The following TRIM33 variants were observed in gnomAD, a reference collection of about 807,000 sequenced individuals.
TRIM33 encodes the protein tripartite motif containing 33.
TRIM33 carries 20 observed loss-of-function variants against 125.4 expected under a neutral mutation model. The observed-to-expected ratio is 0.16, with a 90% CI of 0.11 to 0.23. The LOEUF (loss-of-function observed/expected upper bound fraction) is 0.23, where lower values mean the gene tolerates loss of function less well. Ranked by LOEUF, TRIM33 falls within the 10% of genes least tolerant of loss-of-function variation. The probability of loss-of-function intolerance (pLI) is 1.00; values close to 1 mark genes in which losing one functional copy is unlikely to be tolerated. For missense variants in TRIM33, 920 were observed against 1,411.4 expected (o/e 0.65, Z 5.58); for synonymous variants, 564 against 513.9 (o/e 1.10, Z -1.32).
intron 1 of TRIM33, among the ~76,000 whole-genome samples, chr1:114,504,819 C>T (rs1213359322): frequency 3.3e-5 from 5 of 152,164 alleles, no homozygotes; most frequent in Non-Finnish European, 7.3e-5. Context: ...ATCTAGGTAA[C>T]TAGAAGATTT....
Position 114,400,605 on chromosome 1 carries a change from G to A in TRIM33, c.2967+784C>T, listed in dbSNP as rs568309750. Among the ~76,000 whole-genome samples the A allele has an allele frequency of 7.2e-4, 110 of 152,300 alleles. 1 individual carries two copies. The highest frequency in any genetic ancestry group is 4.7e-4 in the Non-Finnish European group (32 of 68,032). ...TGAGACAAATTTTCCAGAAACAGAT[G>A]ATTACTGCTTGTACAAAACATCTTC... On this transcript the variant is annotated intron_variant, in intron 17 of 19. Coordinates refer to ENST00000358465, the MANE Select transcript of TRIM33 (RefSeq NM_015906.4).
chr1:114,504,151 T>A (rs909601494), intron 1 of TRIM33, among the ~76,000 whole-genome samples: 62 of 151,666 alleles, frequency 4.1e-4, no homozygotes, highest in African/African-American at 1.4e-3. Flanking sequence ...ATTATCCTTT[T>A]TTTTTATTTT....
At chr1:114,407,185 A>G (rs913897378) in intron 13 of TRIM33, 85 bp from the exon 14 acceptor site, 10 of 1,171,442 alleles carry the variant, frequency 8.5e-6, no homozygotes, top group East Asian at 7.3e-5. Context: ...AATGTTCACT[A>G]AAGTGAAGAC....
intron 13 of TRIM33, 30 bp from the exon 14 acceptor site, chr1:114,407,130 T>G: frequency 6.3e-7 from 1 of 1,581,324 alleles, no homozygotes; most frequent in South Asian, 1.1e-5. Context: ...AAAGATCACA[T>G]ACGTTTGACT....
At chr1:114,442,785 G>A (rs1396301315) in intron 4 of TRIM33, among the ~76,000 whole-genome samples, 3 of 150,916 alleles carry the variant, frequency 2.0e-5, no homozygotes, top group African/African-American at 7.3e-5. Context: ...TTCTTTTAAA[G>A]CTATGAATAA....
chr1:114,476,842 T>C (rs1651002853), intron 1 of TRIM33, among the ~76,000 whole-genome samples: 1 of 152,132 alleles, frequency 6.6e-6, no homozygotes, highest in Non-Finnish European at 1.5e-5. Context: ...GACGTTGCCA[T>C]TTTAAAAAAA....
At chr1:114,399,689 T>C in intron 17 of TRIM33, 80 bp from the exon 18 acceptor site, 1 of 1,238,024 alleles carries the variant, frequency 8.1e-7, no homozygotes, top group Non-Finnish European at 1.1e-6. Context: ...AGCATATTAA[T>C]TTTAGGGAAA....
intron 7 of TRIM33, 112 bp downstream of exon 7, chr1:114,427,636 G>T: frequency 9.2e-7 from 1 of 1,085,198 alleles, no homozygotes. Flanking sequence ...TCTTGATGTG[G>T]TGGTGGTTAC....
rs1424943110 is a variant in TRIM33, at chr1:114,395,938, C to T, written c.*1710G>A. The T allele has an allele frequency of 5.2e-6, 1 of 193,758 alleles. No individual in the cohort carries two copies. Among genetic ancestry groups the T allele is most frequent in the Non-Finnish European group, 1.1e-5 (1 of 92,886 alleles). The allele number at this position is 193,758 out of a possible 1,614,324, so 12.0% of individuals were successfully genotyped here. ...TTTGTATAATAATTTCTTTAGAGCA[C>T]TTTATTTGATTCAATATGCATTAAA... On this transcript the variant is annotated 3_prime_UTR_variant, in exon 20 of 20. Coordinates refer to ENST00000358465, the MANE Select transcript of TRIM33 (RefSeq NM_015906.4).
rs763585538 is a variant in TRIM33, at chr1:114,510,761, C to T, written c.316G>A (p.Ala106Thr). 1.1e-4 allele frequency: 171 copies of T among 1,522,410 alleles called. No individual in the cohort carries two copies. The highest frequency in any genetic ancestry group is 1.5e-4 in the Non-Finnish European group (166 of 1,140,368). The allele number at this position is 1,522,410 out of a possible 1,614,324, so 94.3% of individuals were successfully genotyped here. ...TPAPAPASAP[A>T]PGPSAGPPPG... is the part of the protein sequence containing the mutation. Reference sequence around the variant, plus strand: ...GGCGGCCCTGCCGAGGGACCCGGAGCGGGAGCCGAGGCTGGAGCTGGAGCC... The same window carrying T: ...GGCGGCCCTGCCGAGGGACCCGGAGTGGGAGCCGAGGCTGGAGCTGGAGCC... Residue 106 changes from alanine to threonine, a missense_variant, in exon 1 of 20, where the codon GCT (alanine) becomes ACT (threonine). Physicochemically the swap from Ala to Thr is moderately conservative, Grantham distance 58 (BLOSUM62 0). This residue lies in a region of TRIM33 where 233 missense variants were observed against 189.6 expected (regional missense o/e 1.23). Transcript: ENST00000358465.
chr1:114,409,248 C>T (rs1263460160), intron 12 of TRIM33, among the ~76,000 whole-genome samples: 5 of 152,122 alleles, frequency 3.3e-5, no homozygotes, highest in Admixed American at 3.3e-4. Context: ...AATAACACTT[C>T]TAGACTGTTA....
chr1:114,493,752 G>A (rs1290889215), intron 1 of TRIM33, among the ~76,000 whole-genome samples: 1 of 152,082 alleles, frequency 6.6e-6, no homozygotes, highest in Non-Finnish European at 1.5e-5. Flanking sequence ...GGTCAATGCA[G>A]CCTCAACCTC....
intron 10 of TRIM33, among the ~76,000 whole-genome samples, chr1:114,422,736 C>T (rs1446773908): frequency 6.6e-6 from 1 of 151,470 alleles, no homozygotes; most frequent in African/African-American, 2.4e-5. Flanking sequence ...GGGTAACAAA[C>T]CTTCAAATGG....
At chr1:114,419,283 G>A (rs1653131691) in intron 11 of TRIM33, among the ~76,000 whole-genome samples, 1 of 151,114 alleles carries the variant, frequency 6.6e-6, no homozygotes, top group Non-Finnish European at 1.5e-5. Context: ...CCTGCAAAGA[G>A]ACTGATTTGA....
intron 11 of TRIM33, among the ~76,000 whole-genome samples, chr1:114,413,558 CAAAA>C (rs34268626): frequency 1.5e-4 from 6 of 40,814 alleles, no homozygotes; most frequent in South Asian, 1.0e-3. Flanking sequence ...AACTCCATCT[CAAAA>C]AAAAAAAAAA....
chr1:114,408,823 A>G (rs1652406723), intron 12 of TRIM33, 83 bp from the exon 13 acceptor site: 1 of 935,792 alleles, frequency 1.1e-6, no homozygotes, highest in African/African-American at 1.7e-5. Context: ...ACTCAAGATT[A>G]TTATAACCCA....
chr1:114,471,202 G>A lies in TRIM33; in HGVS notation c.527-6814C>T, dbSNP rs367726933. On this transcript the variant is annotated intron_variant, in intron 1 of 19. Transcript: ENST00000358465. ...GGTGGCTCCCACCTGTAATTCCAGC[G>A]ATTTGGAAGGCCGAGGTGGGCGGAT... is the stretch of plus-strand genomic sequence containing the variant. 2.0e-4 allele frequency among the ~76,000 whole-genome samples: 30 copies of A among 152,268 alleles called. No individual in the cohort carries two copies. In the East Asian group the frequency reaches 4.5e-3, roughly 23 times the overall value.
intron 10 of TRIM33, 40 bp downstream of exon 10, chr1:114,424,551 T>C: frequency 6.8e-7 from 1 of 1,465,254 alleles, no homozygotes. Context: ...CTTTTAATTT[T>C]AAAATTGTAG....
rs562515899 is a variant in TRIM33, at chr1:114,487,352, A to C, written c.527-22964T>G. On this transcript the variant is annotated intron_variant, in intron 1 of 19. Transcript: ENST00000358465. ...AACCATGCAGGCCAAAAAAAAAAAA[A>C]AAAAACAACCTGGCTCAACATCATT... 2.6e-4 allele frequency among the ~76,000 whole-genome samples: 39 copies of C among 151,742 alleles called. No homozygotes were observed. The East Asian group carries it at 7.6e-3, about 29-fold the overall frequency.
Sources: allele counts gnomAD v4.1 joint callset (sites outside exome capture counted in the v4.1 genomes callset), GRCh38; gene constraint gnomAD v4.1.1; regional missense constraint gnomAD v4.1.1; transcripts MANE v1.5; gene names NCBI Gene and HGNC (gene_info 2026-07-23, HGNC 2026-07-21).